Variants in HSD17B3 observed in about 807,000 individuals in gnomAD.
The protein encoded by HSD17B3 is hydroxysteroid 17-beta dehydrogenase 3, also known as 17-beta-hydroxysteroid dehydrogenase type 3.
A neutral mutation model predicts 41.1 loss-of-function variants in HSD17B3; 29 were observed. That is an observed-to-expected ratio of 0.71 (90% confidence interval 0.53 to 0.96). HSD17B3 has a LOEUF of 0.96. HSD17B3 is among the 40% of genes least tolerant of loss of function. HSD17B3 has a pLI of 0.00. For synonymous variants in HSD17B3, 126 were observed against 145.6 expected (o/e 0.87, Z 0.97); for missense variants, 323 against 374.6 (o/e 0.86, Z 1.14).
chr9:96,248,116 G>A (rs929902652), intron 6 of HSD17B3, among the ~76,000 whole-genome samples: 1 of 152,170 alleles, frequency 6.6e-6, no homozygotes, highest in Non-Finnish European at 1.5e-5. Flanking sequence ...AACAGCCCAA[G>A]ACTAAAAGGT....
At chr9:96,250,042 G>C in intron 5 of HSD17B3, 1 of 1,424,104 alleles carries the variant, frequency 7.0e-7, no homozygotes, top group Non-Finnish European at 9.1e-7. Context: ...GGAAAACTCG[G>C]AACTATATTC....
At chr9:96,255,420 T>C (rs948092116) in intron 2 of HSD17B3, among the ~76,000 whole-genome samples, 72 of 130,260 alleles carry the variant, frequency 5.5e-4, no homozygotes, top group Non-Finnish European at 9.6e-4. Context: ...AATAGAGTCT[T>C]GCTCTGTTGC....
intron 7 of HSD17B3, among the ~76,000 whole-genome samples, chr9:96,245,807 G>T (rs561178236): frequency 1.3e-5 from 2 of 152,130 alleles, no homozygotes; most frequent in Admixed American, 6.5e-5. Flanking sequence ...ATGAGCTGCC[G>T]GTCCCTTTGG....
At chr9:96,272,565 T>C (rs1826308266) in intron 2 of HSD17B3, among the ~76,000 whole-genome samples, 1 of 149,180 alleles carries the variant, frequency 6.7e-6, no homozygotes, top group African/African-American at 2.5e-5. Flanking sequence ...TAAAAACTAA[T>C]GACAACACCA....
At chr9:96,251,866 T>C (rs954866008) in intron 4 of HSD17B3, among the ~76,000 whole-genome samples, 1 of 152,190 alleles carries the variant, frequency 6.6e-6, no homozygotes, top group African/African-American at 2.4e-5. Flanking sequence ...TTTTAAGAGA[T>C]TCATATTTAT....
chr9:96,246,031 C>T (rs1417122105), intron 7 of HSD17B3, among the ~76,000 whole-genome samples: 1 of 152,184 alleles, frequency 6.6e-6, no homozygotes, highest in African/African-American at 2.4e-5. Context: ...CAAGGCCAAG[C>T]CCCTTCTTCC....
intron 2 of HSD17B3, among the ~76,000 whole-genome samples, chr9:96,261,417 A>C (rs1825852654): frequency 2.0e-5 from 3 of 152,154 alleles, no homozygotes; most frequent in Admixed American, 2.0e-4. Flanking sequence ...CTGGTCTCTA[A>C]CTGCTGACCT....
At chr9:96,285,847 C>A (rs1222362806) in intron 2 of HSD17B3, among the ~76,000 whole-genome samples, 1 of 152,088 alleles carries the variant, frequency 6.6e-6, no homozygotes, top group African/African-American at 2.4e-5. Context: ...CCCTCTGCAA[C>A]CTTTAGGATT....
intron 2 of HSD17B3, among the ~76,000 whole-genome samples, chr9:96,287,588 T>C (rs1826974324): frequency 6.6e-6 from 1 of 152,054 alleles, no homozygotes; most frequent in South Asian, 2.1e-4. Context: ...CACACGCCTG[T>C]AGTCCCAGCT....
Position 96,298,452 on chromosome 9 carries a change from T to C in HSD17B3, c.165A>G (p.Gly55=). The change falls in exon 2 of 11, where the codon GGA becomes GGG. Residue 55 remains glycine, a synonymous_variant. Transcript: ENST00000375263. ...ACGCTTTCCCAATTCCATCGCCTGC[T>C]CCAGTGATCACTGTGAAAAGCAAGA... The part of the protein sequence containing the change: ...RSMGQWAVIT[G]AGDGIGKAYS... 1 of 1,613,730 alleles carries C rather than the reference T, an allele frequency of 6.2e-7. No individual in the cohort carries two copies. The highest frequency in any genetic ancestry group is 8.5e-7 in the Non-Finnish European group (1 of 1,179,604).
intron 2 of HSD17B3, among the ~76,000 whole-genome samples, chr9:96,288,936 C>A (rs77149298): frequency 2.2e-5 from 3 of 135,178 alleles, no homozygotes; most frequent in Admixed American, 1.5e-4. Flanking sequence ...GACTCCGTCT[C>A]AAAAAAAAAA....
chr9:96,274,437 G>A (rs143110084), intron 2 of HSD17B3, among the ~76,000 whole-genome samples: 66 of 152,238 alleles, frequency 4.3e-4, no homozygotes, highest in African/African-American at 1.5e-3. Flanking sequence ...CTACAGCCTG[G>A]GCGGCTGAGT....
intron 2 of HSD17B3, among the ~76,000 whole-genome samples, chr9:96,292,320 A>C (rs1012841589): frequency 6.6e-6 from 1 of 152,204 alleles, no homozygotes; most frequent in Non-Finnish European, 1.5e-5. Context: ...GGGCTGAAAA[A>C]GTATTTGAAT....
chr9:96,281,065 T>G (rs1826671289), intron 2 of HSD17B3, among the ~76,000 whole-genome samples: 1 of 152,156 alleles, frequency 6.6e-6, no homozygotes, highest in Non-Finnish European at 1.5e-5. Context: ...CTAATAATCT[T>G]GCTTTCACTT....
chr9:96,292,300 G>A (rs1428350194), intron 2 of HSD17B3, among the ~76,000 whole-genome samples: 1 of 152,206 alleles, frequency 6.6e-6, no homozygotes, highest in Non-Finnish European at 1.5e-5. Flanking sequence ...TACAAGGAGA[G>A]AAGAGGGCAG....
intron 2 of HSD17B3, among the ~76,000 whole-genome samples, chr9:96,278,837 A>C (rs1160054258): frequency 6.6e-6 from 1 of 152,226 alleles, no homozygotes; most frequent in Non-Finnish European, 1.5e-5. Flanking sequence ...TTACAAGGCA[A>C]GCAAGCTTCA....
At chr9:96,289,714 C>A (rs555610667) in intron 2 of HSD17B3, among the ~76,000 whole-genome samples, 339 of 152,266 alleles carry the variant, frequency 2.2e-3, no homozygotes, top group Non-Finnish European at 3.7e-3. Context: ...GGGGGGCGCC[C>A]GAGAACACTT....
At chr9:96,286,445 T>C (rs1030866579) in intron 2 of HSD17B3, among the ~76,000 whole-genome samples, 1 of 152,012 alleles carries the variant, frequency 6.6e-6, no homozygotes, top group African/African-American at 2.4e-5. Context: ...TCCTAGCACA[T>C]TGGGAGGCCA....
At chr9:96,289,041 C>T (rs1242047668) in intron 2 of HSD17B3, among the ~76,000 whole-genome samples, 1 of 149,374 alleles carries the variant, frequency 6.7e-6, no homozygotes, top group Non-Finnish European at 1.5e-5. Flanking sequence ...CCCAGGAGGT[C>T]AAGAATGCAA....
Sources: allele counts gnomAD v4.1 joint callset (sites outside exome capture counted in the v4.1 genomes callset), GRCh38; gene constraint gnomAD v4.1.1; transcripts MANE v1.5; gene names NCBI Gene and HGNC (gene_info 2026-07-23, HGNC 2026-07-21).